Variants in MBD5 observed in about 807,000 individuals in gnomAD.
MBD5 encodes methyl-CpG binding domain protein 5.
MBD5 carries 13 observed loss-of-function variants against 117.3 expected under a neutral mutation model. The ratio of observed to expected loss-of-function variants is 0.11; its 90% CI spans 0.07 to 0.18. MBD5 has a LOEUF of 0.18. Among genes scored for constraint, MBD5 ranks in the 10% least tolerant of loss-of-function variants. MBD5 has a pLI of 1.00. For missense variants in MBD5, 1,879 were observed against 2,093.8 expected (o/e 0.90, Z 2.00); for synonymous variants, 727 against 766.4 (o/e 0.95, Z 0.85).
At chr2:148,310,393 A>T (rs1394212222) in intron 3 of MBD5, among the ~76,000 whole-genome samples, 2 of 152,174 alleles carry the variant, frequency 1.3e-5, no homozygotes, top group Non-Finnish European at 2.9e-5. Context: ...GTGTCCAGGA[A>T]TTTATCAATT....
At chr2:148,323,721 C>T (rs541442538) in intron 3 of MBD5, among the ~76,000 whole-genome samples, 2 of 152,066 alleles carry the variant, frequency 1.3e-5, no homozygotes, top group Admixed American at 1.3e-4. Context: ...AATTTGAGTT[C>T]ATTGTAGATT....
At position 148,469,147 on chromosome 2, in the gene MBD5, C is replaced by T. The variant is rs759958775; in HGVS notation, c.1204C>T (p.Pro402Ser). ...MNVSMPPAVV[P>S]LPSNLPLPTV... Reference sequence around the variant, plus strand: ...TGTAAGCATGCCTCCTGCTGTTGTTCCTTTGCCAAGTAATCTCCCATTGCC... The same window carrying T: ...TGTAAGCATGCCTCCTGCTGTTGTTTCTTTGCCAAGTAATCTCCCATTGCC... Residue 402 changes from proline to serine, a missense_variant, in exon 8 of 14, where the codon CCT becomes TCT. This residue lies in a region of MBD5 where 1,666 missense variants were observed against 1,792.2 expected (regional missense o/e 0.93). Coordinates refer to ENST00000642680, the MANE Select transcript of MBD5 (RefSeq NM_001378120.1). The T allele has an allele frequency of 6.2e-7, 1 of 1,614,052 alleles. No homozygotes were observed. The highest frequency in any genetic ancestry group is 1.7e-5 in the Admixed American group (1 of 60,006).
intron 4 of MBD5, among the ~76,000 whole-genome samples, chr2:148,397,361 G>T (rs1704752683): frequency 7.9e-6 from 1 of 126,978 alleles, no homozygotes; most frequent in Non-Finnish European, 1.6e-5. Flanking sequence ...ACGGAGTCTC[G>T]CTGTCTCGCC....
chr2:148,376,546 C>T lies in MBD5; in HGVS notation c.-557+34210C>T, dbSNP rs1703993410. Among the ~76,000 whole-genome samples, 2 of 150,390 alleles carry T rather than the reference C, an allele frequency of 1.3e-5. 1 individual carries two copies. Among genetic ancestry groups the T allele is most frequent in the Non-Finnish European group, 3.0e-5 (2 of 67,736 alleles). ...CCTCCCAAAGTGCTGGGATTACAGG[C>T]GTGAGCCACCGCGCCCGGCCAAAAA... On this transcript the variant is annotated intron_variant, in intron 4 of 13. Coordinates refer to ENST00000642680, the MANE Select transcript of MBD5 (RefSeq NM_001378120.1).
At chr2:148,140,070 G>T (rs1015284575) in intron 1 of MBD5, among the ~76,000 whole-genome samples, 2 of 152,122 alleles carry the variant, frequency 1.3e-5, no homozygotes, top group African/African-American at 4.8e-5. Flanking sequence ...ATTGAATAGT[G>T]GAGAAACCTG....
intron 1 of MBD5, among the ~76,000 whole-genome samples, chr2:148,046,019 G>T (rs373233904): frequency 1.1e-4 from 14 of 130,844 alleles, no homozygotes; most frequent in African/African-American, 4.1e-4. Context: ...GAGTCTCGCG[G>T]TGTTGCCAGG....
At chr2:148,131,379 A>T (rs1257291214) in intron 1 of MBD5, among the ~76,000 whole-genome samples, 1 of 152,202 alleles carries the variant, frequency 6.6e-6, no homozygotes, top group Non-Finnish European at 1.5e-5. Context: ...TTTCATAAGA[A>T]CTAGCTTGCA....
At chr2:148,376,806 A>C (rs1164876020) in intron 4 of MBD5, among the ~76,000 whole-genome samples, 2 of 126,122 alleles carry the variant, frequency 1.6e-5, no homozygotes, top group Non-Finnish European at 3.2e-5. Context: ...TTTTATATAT[A>C]ATATTATAAT....
chr2:148,182,399 T>C (rs906216142), intron 2 of MBD5, among the ~76,000 whole-genome samples: 4 of 152,236 alleles, frequency 2.6e-5, no homozygotes, highest in East Asian at 1.9e-4. Flanking sequence ...TACCTGATCA[T>C]GATGTATTAT....
chr2:148,118,158 A>G (rs1172627313), intron 1 of MBD5, among the ~76,000 whole-genome samples: 1 of 152,194 alleles, frequency 6.6e-6, no homozygotes, highest in African/African-American at 2.4e-5. Flanking sequence ...ACAGAGAATG[A>G]GAGAATATCT....
intron 2 of MBD5, among the ~76,000 whole-genome samples, chr2:148,188,999 C>G (rs1297042335): frequency 6.7e-6 from 1 of 149,294 alleles, no homozygotes; most frequent in Non-Finnish European, 1.5e-5. Flanking sequence ...GGGTGACGGA[C>G]GCACCTGGAA....
chr2:148,294,476 G>A (rs1319376979), intron 3 of MBD5, among the ~76,000 whole-genome samples: 6 of 127,044 alleles, frequency 4.7e-5, no homozygotes, highest in African/African-American at 1.9e-4. Flanking sequence ...CGCCTGCCTC[G>A]GCCTCCCAAA....
intron 2 of MBD5, among the ~76,000 whole-genome samples, chr2:148,183,007 C>T (rs1412023713): frequency 2.0e-5 from 3 of 152,270 alleles, no homozygotes; most frequent in Non-Finnish European, 2.9e-5. Context: ...TCCTGCACTA[C>T]GACAGTATCC....
chr2:148,057,335 C>CT (rs963037323), intron 1 of MBD5, among the ~76,000 whole-genome samples: 16 of 151,760 alleles, frequency 1.1e-4, no homozygotes, highest in African/African-American at 2.9e-4. Context: ...TCTTTTTAAA[C>CT]TTTAAGTACT....
intron 3 of MBD5, among the ~76,000 whole-genome samples, chr2:148,280,780 G>A (rs2106381113): frequency 6.6e-6 from 1 of 152,226 alleles, no homozygotes; most frequent in Middle Eastern, 3.4e-3. Context: ...AACACATGTA[G>A]CAGGTAAACT....
At chr2:148,312,157 G>A (rs1042491490) in intron 3 of MBD5, among the ~76,000 whole-genome samples, 1 of 152,116 alleles carries the variant, frequency 6.6e-6, no homozygotes, top group Admixed American at 6.5e-5. Context: ...GAGTATCTTT[G>A]TGGTGTTCTC....
chr2:148,464,095 G>A (rs149788829), intron 7 of MBD5, among the ~76,000 whole-genome samples, 176 bp downstream of exon 7: 36 of 152,242 alleles, frequency 2.4e-4, no homozygotes, highest in Non-Finnish European at 4.0e-4. Flanking sequence ...AAAATATAGT[G>A]AGGTTATTTT....
At chr2:148,383,330 C>T (rs1446833660) in intron 4 of MBD5, among the ~76,000 whole-genome samples, 1 of 152,212 alleles carries the variant, frequency 6.6e-6, no homozygotes, top group Non-Finnish European at 1.5e-5. Flanking sequence ...ATAAACACTT[C>T]TACGCAAATA....
At chr2:148,451,713 T>C (rs563653281) in intron 4 of MBD5, among the ~76,000 whole-genome samples, 1 of 152,294 alleles carries the variant, frequency 6.6e-6, no homozygotes, top group South Asian at 2.1e-4. Flanking sequence ...TGTTTTGGAA[T>C]ATAAACATAA....
Sources: gnomAD v4.1 joint callset for allele counts (sites outside exome capture counted in the v4.1 genomes callset) on GRCh38, gnomAD v4.1.1 for gene constraint, gnomAD v4.1.1 regional missense constraint, MANE v1.5 for transcripts, NCBI Gene and HGNC (gene_info 2026-07-23, HGNC 2026-07-21) for gene names.